NPAS3: variants seen among roughly 807,000 people sequenced by gnomAD.
The protein encoded by NPAS3 is neuronal PAS domain-containing protein 3.
NPAS3 carries 14 observed loss-of-function variants against 73.1 expected under a neutral mutation model. The observed-to-expected ratio is 0.19, with a 90% CI of 0.13 to 0.30. The LOEUF (loss-of-function observed/expected upper bound fraction) is 0.30, where lower values mean the gene tolerates loss of function less well. NPAS3 is among the 10% of genes least tolerant of loss of function. The pLI is 1.00. For synonymous variants in NPAS3, 620 were observed against 541.5 expected (o/e 1.14, Z -2.01); for missense variants, 1,096 against 1,250.0 (o/e 0.88, Z 1.86).
At chr14:33,249,214 C>G (rs998249981) in intron 3 of NPAS3, among the ~76,000 whole-genome samples, 1 of 152,090 alleles carries the variant, frequency 6.6e-6, no homozygotes, top group Non-Finnish European at 1.5e-5. Context: ...GTAAACACTA[C>G]TTATTCTTAC....
intron 5 of NPAS3, among the ~76,000 whole-genome samples, chr14:33,666,680 T>C (rs1403257150): frequency 6.6e-6 from 1 of 152,170 alleles, no homozygotes; most frequent in Non-Finnish European, 1.5e-5. Context: ...GTATGTGTTT[T>C]TCTTCTCTCT....
chr14:33,685,128 G>T (rs568419371), intron 6 of NPAS3, among the ~76,000 whole-genome samples: 1 of 152,286 alleles, frequency 6.6e-6, no homozygotes, highest in Admixed American at 6.5e-5. Context: ...TCCACGACGT[G>T]TCAGACATAC....
At chr14:33,006,053 C>T (rs1476134426) in intron 1 of NPAS3, among the ~76,000 whole-genome samples, 3 of 152,180 alleles carry the variant, frequency 2.0e-5, no homozygotes, top group African/African-American at 7.2e-5. Context: ...CCTGACTCGG[C>T]ACATTGACCA....
At chr14:33,655,953 T>C (rs970714250) in intron 5 of NPAS3, among the ~76,000 whole-genome samples, 1 of 152,160 alleles carries the variant, frequency 6.6e-6, no homozygotes, top group African/African-American at 2.4e-5. Context: ...TGGGAATAAC[T>C]CTTGAGGCCA....
chr14:33,267,079 T>G (rs1013890312), intron 3 of NPAS3, among the ~76,000 whole-genome samples: 2 of 152,204 alleles, frequency 1.3e-5, no homozygotes, highest in African/African-American at 4.8e-5. Flanking sequence ...AATCTGCTAT[T>G]GTATATTGCC....
chr14:33,536,837 G>T (rs994943625), intron 4 of NPAS3, among the ~76,000 whole-genome samples: 6 of 151,966 alleles, frequency 3.9e-5, no homozygotes, highest in African/African-American at 1.5e-4. Flanking sequence ...CTAAAACATA[G>T]GTCCAAAGGT....
chr14:33,502,538 A>G (rs1426892514), intron 4 of NPAS3, among the ~76,000 whole-genome samples: 1 of 151,988 alleles, frequency 6.6e-6, no homozygotes, highest in African/African-American at 2.4e-5. Flanking sequence ...CCAAAATAAA[A>G]TGATTGCAAA....
chr14:32,963,542 G>A (rs937564779), intron 1 of NPAS3, among the ~76,000 whole-genome samples: 3 of 151,730 alleles, frequency 2.0e-5, no homozygotes, highest in African/African-American at 4.9e-5. Flanking sequence ...AGGGTAGATC[G>A]CAATCCCTGC....
chr14:33,561,070 TC>T (rs1378850980), intron 5 of NPAS3, among the ~76,000 whole-genome samples: 7 of 152,202 alleles, frequency 4.6e-5, no homozygotes, highest in African/African-American at 1.7e-4. Flanking sequence ...AAACACTGCC[TC>T]AGTGGGAGGG....
At chr14:33,495,985 A>C (rs1326771508) in intron 4 of NPAS3, among the ~76,000 whole-genome samples, 3 of 152,142 alleles carry the variant, frequency 2.0e-5, no homozygotes, top group Non-Finnish European at 2.9e-5. Flanking sequence ...AGAAAGGAGA[A>C]TCAAATAGAC....
intron 3 of NPAS3, among the ~76,000 whole-genome samples, chr14:33,332,913 C>T (rs2044050400): frequency 6.6e-6 from 1 of 152,144 alleles, no homozygotes; most frequent in Non-Finnish European, 1.5e-5. Flanking sequence ...TCATTGCTTT[C>T]CCTAACAATT....
chr14:33,057,959 C>G (rs191393547), intron 2 of NPAS3, among the ~76,000 whole-genome samples: 2 of 151,934 alleles, frequency 1.3e-5, no homozygotes, highest in South Asian at 4.1e-4. Context: ...GAGAAAAGGC[C>G]GGGTATTCCG....
At chr14:33,374,060 G>C (rs2046213681) in intron 4 of NPAS3, among the ~76,000 whole-genome samples, 1 of 152,082 alleles carries the variant, frequency 6.6e-6, no homozygotes, top group Non-Finnish European at 1.5e-5. Context: ...TTTTGTTAAG[G>C]TATGTATTTT....
intron 9 of NPAS3, among the ~76,000 whole-genome samples, chr14:33,791,897 AC>A (rs2063369241): frequency 6.6e-6 from 1 of 152,126 alleles, no homozygotes; most frequent in Admixed American, 6.5e-5. Context: ...ACATACTAGA[AC>A]CATTTGGAAT....
intron 2 of NPAS3, among the ~76,000 whole-genome samples, chr14:33,213,142 A>T (rs977372734): frequency 6.6e-6 from 1 of 152,116 alleles, no homozygotes; most frequent in Non-Finnish European, 1.5e-5. Context: ...AGTCCCCATC[A>T]GGCCTCTTCA....
intron 4 of NPAS3, among the ~76,000 whole-genome samples, chr14:33,372,243 A>G (rs1437477149): frequency 1.3e-5 from 2 of 152,074 alleles, no homozygotes; most frequent in African/African-American, 4.8e-5. Flanking sequence ...AGTGCATACT[A>G]CGTGTCCCTT....
At chr14:33,008,762 G>A (rs2039086532) in intron 1 of NPAS3, among the ~76,000 whole-genome samples, 2 of 152,132 alleles carry the variant, frequency 1.3e-5, no homozygotes, top group South Asian at 2.1e-4. Flanking sequence ...GGCCTTGGAT[G>A]TACAGAAAAT....
chr14:33,704,094 A>C (rs529094550), intron 6 of NPAS3, among the ~76,000 whole-genome samples: 1 of 152,332 alleles, frequency 6.6e-6, no homozygotes, highest in East Asian at 1.9e-4. Context: ...ATGAAAGAAA[A>C]CCCGTAGAAA....
At chr14:33,505,980 C>A (rs2052740885) in intron 4 of NPAS3, among the ~76,000 whole-genome samples, 1 of 151,906 alleles carries the variant, frequency 6.6e-6, no homozygotes, top group Admixed American at 6.6e-5. Context: ...CCTCCAGCCC[C>A]ATATCCACGC....
Sources: allele counts gnomAD v4.1 joint callset (sites outside exome capture counted in the v4.1 genomes callset), GRCh38; gene constraint gnomAD v4.1.1; transcripts MANE v1.5; gene names NCBI Gene and HGNC (gene_info 2026-07-23, HGNC 2026-07-21).